PDE10A: variants seen among roughly 807,000 people sequenced by gnomAD.
The protein encoded by PDE10A is cAMP and cAMP-inhibited cGMP 3',5'-cyclic phosphodiesterase 10A.
PDE10A carries 39 observed loss-of-function variants against 97.7 expected under a neutral mutation model. That is an observed-to-expected ratio of 0.40 (90% CI 0.31 to 0.52). The LOEUF is 0.52. Ranked by LOEUF, PDE10A falls within the 20% of genes least tolerant of loss-of-function variation. The probability of loss-of-function intolerance (pLI) is 0.56; values close to 1 mark genes in which losing one functional copy is unlikely to be tolerated. For synonymous variants in PDE10A, 371 were observed against 376.8 expected, an observed-to-expected ratio of 0.98 and a Z score of 0.18; for missense variants, 731 against 1,047.8, an observed-to-expected ratio of 0.70 and a Z score of 4.17.
chr6:165,479,553 A>T (rs191414917), intron 3 of PDE10A, among the ~76,000 whole-genome samples: 2 of 151,874 alleles, frequency 1.3e-5, no homozygotes, highest in East Asian at 3.9e-4. Context: ...AACCACCATC[A>T]CTCTGAAGCC....
intron 2 of PDE10A, among the ~76,000 whole-genome samples, chr6:165,518,442 T>C (rs1477497206): frequency 6.6e-6 from 1 of 152,220 alleles, no homozygotes; most frequent in Non-Finnish European, 1.5e-5. Flanking sequence ...GCCCACGACA[T>C]GAATTTTCCC....
chr6:165,661,852 A>T lies in PDE10A; in HGVS notation c.865+95T>A. Reference sequence around the variant, plus strand: ...CGCCCGGGCACGGGCACCTCGCTCGACACCCGCTTCCCACCCAGCAGTCCA... The same window carrying T: ...CGCCCGGGCACGGGCACCTCGCTCGTCACCCGCTTCCCACCCAGCAGTCCA... On this transcript the variant is annotated intron_variant, in intron 1 of 21. Transcript: ENST00000539869. This position sits in a 1 kb window ranked among gnomAD's most constrained non-coding sequence, Gnocchi z 4.8. 1.6e-6 allele frequency: 1 copy of T among 644,224 alleles called. No individual in the cohort carries two copies. The highest frequency in any genetic ancestry group is 2.5e-5 in the Admixed American group (1 of 39,382). The allele number at this position is 644,224 out of a possible 1,614,324, so 39.9% of individuals were successfully genotyped here. A position where few individuals can be genotyped will look rare whatever the true frequency, so the allele number is the denominator to read the frequency against.
chr6:165,519,408 G>A (rs1222254890), intron 2 of PDE10A, among the ~76,000 whole-genome samples: 1 of 151,772 alleles, frequency 6.6e-6, no homozygotes, highest in Non-Finnish European at 1.5e-5. Flanking sequence ...ATACCAAAAT[G>A]TCTATCTCAT....
At chr6:165,621,509 G>A (rs989695970) in intron 1 of PDE10A, among the ~76,000 whole-genome samples, 17 of 152,076 alleles carry the variant, frequency 1.1e-4, no homozygotes, top group Non-Finnish European at 1.8e-4. Context: ...TGTAATCCCA[G>A]CACTTTGGAA....
Position 165,808,623 on chromosome 6 carries a change from G to A in PDE10A, c.-615+178906C>T, listed in dbSNP as rs752564907. Among the ~76,000 whole-genome samples the A allele has an allele frequency of 8.5e-5, 13 of 152,302 alleles. No homozygotes were observed. In the East Asian group the frequency reaches 1.7e-3, roughly 20 times the overall value. On this transcript the variant is annotated intron_variant, in intron 1 of 19. Transcript: ENST00000366882. Reference sequence around the variant, plus strand: ...CTCTGTGGCGGGAGAGGAATTAGCCGTGTCACATCTCATATCTTACATTTT... The same window carrying A: ...CTCTGTGGCGGGAGAGGAATTAGCCATGTCACATCTCATATCTTACATTTT...
intron 1 of PDE10A, among the ~76,000 whole-genome samples, chr6:165,930,714 A>G (rs1783105582): frequency 6.6e-6 from 1 of 152,250 alleles, no homozygotes; most frequent in African/African-American, 2.4e-5. Flanking sequence ...ATTCTTCCAT[A>G]AAGCAACTTA....
At chr6:165,876,861 T>G (rs1781358044) in intron 1 of PDE10A, among the ~76,000 whole-genome samples, 1 of 152,198 alleles carries the variant, frequency 6.6e-6, no homozygotes. Context: ...CAGATCCAGC[T>G]GAAGTCCTGA....
intron 1 of PDE10A, among the ~76,000 whole-genome samples, chr6:165,561,014 T>G (rs939664643): frequency 2.6e-5 from 4 of 151,984 alleles, no homozygotes; most frequent in Non-Finnish European, 5.9e-5. Flanking sequence ...GGTCAGGAGA[T>G]CGAGACCATC....
intron 1 of PDE10A, among the ~76,000 whole-genome samples, chr6:165,756,662 G>T (rs1402322543): frequency 2.0e-5 from 3 of 152,134 alleles, no homozygotes; most frequent in Non-Finnish European, 2.9e-5. Flanking sequence ...TGCTGTTGCA[G>T]ACAGTATCAC....
chr6:165,986,604 G>C (rs697474), intron 1 of PDE10A: 145,453 of 151,578 alleles, frequency 0.96, 69,845 homozygotes, highest in East Asian at 1. Flanking sequence ...TTTCCTTCAA[G>C]TAGAAGGGTG....
chr6:165,332,756 G>T lies in PDE10A; in HGVS notation c.*269C>A. On this transcript the variant is annotated 3_prime_UTR_variant, in exon 22 of 22. Transcript: ENST00000539869. The stretch of plus-strand genomic sequence containing the variant: ...CAGCAATATTAGCCTATTAGAAAAG[G>T]CTGGTTTGCAAGTCAAATGGAGTCA... 4.6e-6 allele frequency: 2 copies of T among 437,778 alleles called. No individual in the cohort carries two copies. Among genetic ancestry groups the T allele is most frequent in the South Asian group, 7.2e-5 (2 of 27,674 alleles). 27.1% of individuals were successfully genotyped at this position (437,778 alleles called of 1,614,324 possible).
At chr6:165,524,374 C>A (rs1335694002) in intron 2 of PDE10A, among the ~76,000 whole-genome samples, 1 of 152,126 alleles carries the variant, frequency 6.6e-6, no homozygotes, top group Non-Finnish European at 1.5e-5. Flanking sequence ...GCTAAGGATT[C>A]TACTTCTAAC....
chr6:165,509,137 TTATTGATATATA>T (rs1411421012), intron 2 of PDE10A, among the ~76,000 whole-genome samples: 2 of 152,100 alleles, frequency 1.3e-5, no homozygotes, highest in African/African-American at 4.8e-5. Flanking sequence ...TTGTTGTCTT[TTATTGATATATA>T]TTATTTTCAA....
intron 10 of PDE10A, among the ~76,000 whole-genome samples, chr6:165,423,869 C>T (rs1788916485): frequency 1.3e-5 from 2 of 151,232 alleles, no homozygotes; most frequent in African/African-American, 2.4e-5. Context: ...AAAAAAATTA[C>T]CCAGATTTGC....
intron 2 of PDE10A, among the ~76,000 whole-genome samples, chr6:165,516,173 G>C (rs1781794358): frequency 6.6e-6 from 1 of 152,070 alleles, no homozygotes; most frequent in Non-Finnish European, 1.5e-5. Context: ...ACCTGGTCAA[G>C]GCCATAGCTC....
intron 1 of PDE10A, among the ~76,000 whole-genome samples, chr6:165,733,943 G>T (rs1322549102): frequency 6.6e-6 from 1 of 152,044 alleles, no homozygotes; most frequent in Non-Finnish European, 1.5e-5. Context: ...GATCCAAAAT[G>T]TGACATCCCT....
chr6:165,920,197 T>C (rs936396304), intron 1 of PDE10A, among the ~76,000 whole-genome samples: 6 of 152,192 alleles, frequency 3.9e-5, no homozygotes, highest in African/African-American at 1.4e-4. Context: ...CCATAATTAC[T>C]AAAAAATTTC....
intron 14 of PDE10A, 88 bp downstream of exon 14, chr6:165,396,229 T>C: frequency 8.1e-7 from 1 of 1,234,498 alleles, no homozygotes. Context: ...GTATAATAAT[T>C]GTGACTCTAA....
chr6:165,980,543 G>T (rs999008807), intron 1 of PDE10A, among the ~76,000 whole-genome samples: 6 of 152,342 alleles, frequency 3.9e-5, no homozygotes, highest in African/African-American at 1.4e-4. Flanking sequence ...CAGGACACAG[G>T]TAAGTGGATA....
Sources: gnomAD v4.1 joint callset for allele counts (sites outside exome capture counted in the v4.1 genomes callset) on GRCh38, gnomAD v4.1.1 for gene constraint, Gnocchi (gnomAD v3.1) non-coding constraint, MANE v1.5 for transcripts, NCBI Gene and HGNC (gene_info 2026-07-23, HGNC 2026-07-21) for gene names.